Variants in CDH13 observed in about 807,000 individuals in gnomAD.
The protein encoded by CDH13 is cadherin-13.
In CDH13, 24 loss-of-function variants were observed where a neutral mutation model predicts 63.8. The observed-to-expected ratio is 0.38, with a 90% CI of 0.27 to 0.53. The LOEUF is 0.53. CDH13 is among the 20% of genes least tolerant of loss of function. CDH13 has a pLI of 0.85. For synonymous variants in CDH13, 503 were observed against 355.3 expected (o/e 1.42, Z -4.67); for missense variants, 1,049 against 903.1 (o/e 1.16, Z -2.07).
At chr16:83,569,306 T>C (rs920820550) in intron 7 of CDH13, among the ~76,000 whole-genome samples, 6 of 152,036 alleles carry the variant, frequency 3.9e-5, no homozygotes, top group Admixed American at 2.6e-4. Context: ...CACTCCACCA[T>C]GTTGGCATGT....
intron 7 of CDH13, among the ~76,000 whole-genome samples, chr16:83,558,576 A>T (rs1423781442): frequency 6.6e-6 from 1 of 152,212 alleles, no homozygotes; most frequent in Non-Finnish European, 1.5e-5. Context: ...TAAAATCTAC[A>T]TCTAGTCAGA....
chr16:83,720,350 T>G (rs1161855560), intron 10 of CDH13, among the ~76,000 whole-genome samples: 2 of 152,190 alleles, frequency 1.3e-5, no homozygotes, highest in Middle Eastern at 3.4e-3. Flanking sequence ...CACTCACACA[T>G]GCACACACTC....
chr16:83,180,751 G>T, intron 4 of CDH13: 1 of 704,818 alleles, frequency 1.4e-6, no homozygotes, highest in South Asian at 1.8e-5. Context: ...GGTCACTCTA[G>T]GTAATGTTCT....
At chr16:83,190,387 C>G (rs564839118) in intron 4 of CDH13, among the ~76,000 whole-genome samples, 46 of 152,172 alleles carry the variant, frequency 3.0e-4, no homozygotes, top group Non-Finnish European at 5.9e-4. Flanking sequence ...ATAGTTCTAC[C>G]AAAGTCAAAT....
intron 4 of CDH13, chr16:83,180,963 A>G (rs1237863953): frequency 6.5e-7 from 1 of 1,532,686 alleles, no homozygotes; most frequent in Non-Finnish European, 8.7e-7. Flanking sequence ...AATTTAATGA[A>G]CATCCTATTT....
intron 13 of CDH13, among the ~76,000 whole-genome samples, chr16:83,794,238 A>G (rs1916457516): frequency 6.6e-6 from 1 of 152,196 alleles, no homozygotes; most frequent in Non-Finnish European, 1.5e-5. Context: ...TTACAGGAGC[A>G]ACAGGAAATT....
intron 5 of CDH13, among the ~76,000 whole-genome samples, chr16:83,244,441 T>G (rs1262149988): frequency 6.6e-6 from 1 of 152,178 alleles, no homozygotes; most frequent in Non-Finnish European, 1.5e-5. Context: ...GTCTATTATG[T>G]ATAGATGCCA....
intron 4 of CDH13, among the ~76,000 whole-genome samples, chr16:83,133,258 G>A (rs989832328): frequency 2.0e-5 from 3 of 152,164 alleles, no homozygotes; most frequent in African/African-American, 7.2e-5. Context: ...ACACTGAGAT[G>A]TTTTGTAAGC....
chr16:83,525,195 G>A (rs79871338), intron 7 of CDH13, among the ~76,000 whole-genome samples: 1,718 of 152,262 alleles, frequency 0.011, 37 homozygotes, highest in African/African-American at 0.039. Flanking sequence ...CCACGGGCCA[G>A]TAGAATGTAG....
At chr16:83,075,998 A>G (rs1475824839) in intron 3 of CDH13, among the ~76,000 whole-genome samples, 4 of 152,228 alleles carry the variant, frequency 2.6e-5, no homozygotes, top group Admixed American at 6.5e-5. Flanking sequence ...AAAATAATCT[A>G]AATGTGTTAA....
At chr16:83,761,648 ACAGT>A (rs1407708852) in intron 11 of CDH13, among the ~76,000 whole-genome samples, 1 of 152,194 alleles carries the variant, frequency 6.6e-6, no homozygotes. Context: ...AGAGTAGGTG[ACAGT>A]CTGTTTACAC....
chr16:82,649,305 T>G (rs894501545), intron 1 of CDH13, among the ~76,000 whole-genome samples: 4 of 152,106 alleles, frequency 2.6e-5, no homozygotes, highest in Non-Finnish European at 5.9e-5. Flanking sequence ...GAAGGATGAA[T>G]GCATAGATGG....
intron 6 of CDH13, among the ~76,000 whole-genome samples, chr16:83,371,284 C>G (rs2091362480): frequency 6.6e-6 from 1 of 152,288 alleles, no homozygotes; most frequent in African/African-American, 2.4e-5. Context: ...AATCATTACC[C>G]TCTCCTTCCT....
intron 1 of CDH13, among the ~76,000 whole-genome samples, chr16:82,697,733 G>C (rs7192851): frequency 6.7e-6 from 1 of 149,314 alleles, no homozygotes; most frequent in African/African-American, 2.5e-5. Flanking sequence ...TGGCTGGGCC[G>C]AGGCATTGTG....
chr16:83,788,060 C>T (rs7196015), intron 13 of CDH13, among the ~76,000 whole-genome samples: 3 of 152,194 alleles, frequency 2.0e-5, no homozygotes, highest in African/African-American at 7.2e-5. Context: ...AGTGGGAATG[C>T]ATATACACAC....
At chr16:83,014,044 C>A (rs1254448276) in intron 2 of CDH13, among the ~76,000 whole-genome samples, 1 of 152,082 alleles carries the variant, frequency 6.6e-6, no homozygotes, top group Non-Finnish European at 1.5e-5. Flanking sequence ...ACACTTTCTT[C>A]CCTCAAGAAG....
In CDH13 at chr16:83,010,135, C is replaced by CA. The variant is rs67985333; in HGVS notation, c.158-21848dup. ...GGGCAACAAGAGCAAAACTCTGTCT[C>CA]AAAAAAAAAAAAAAAAAAAAAAAAA... On this transcript the variant is annotated intron_variant, in intron 2 of 13. Coordinates refer to ENST00000567109, the MANE Select transcript of CDH13 (RefSeq NM_001257.5). 6.8e-3 allele frequency among the ~76,000 whole-genome samples: 342 copies of CA among 50,070 alleles called. 28 individuals are homozygous for CA. Among genetic ancestry groups the CA allele is most frequent in the African/African-American group, 0.022 (242 of 10,846 alleles). 32.8% of individuals were successfully genotyped at this position (50,070 alleles called of 152,430 possible).
At chr16:83,468,934 C>A (rs1265742992) in intron 6 of CDH13, among the ~76,000 whole-genome samples, 4 of 152,198 alleles carry the variant, frequency 2.6e-5, no homozygotes, top group Non-Finnish European at 5.9e-5. Context: ...CCAGCTGATT[C>A]TTTCTTCCAT....
At chr16:82,840,382 GA>G (rs11370711) in intron 1 of CDH13, among the ~76,000 whole-genome samples, 1,635 of 139,378 alleles carry the variant, frequency 0.012, 16 homozygotes, top group African/African-American at 0.031. Context: ...CTCTGAAAAG[GA>G]AAAAAAAAAA....
Sources: allele counts gnomAD v4.1 joint callset (sites outside exome capture counted in the v4.1 genomes callset), GRCh38; gene constraint gnomAD v4.1.1; transcripts MANE v1.5; gene names NCBI Gene and HGNC (gene_info 2026-07-23, HGNC 2026-07-21).